Variants in PLCL2 observed in about 807,000 individuals in gnomAD.
The protein encoded by PLCL2 is phospholipase C like 2, also known as inactive phospholipase C-like protein 2.
PLCL2 carries 4 observed loss-of-function variants against 79.6 expected under a neutral mutation model. The ratio of observed to expected loss-of-function variants is 0.05; its 90% CI spans 0.02 to 0.11. PLCL2 has a LOEUF of 0.11. PLCL2 is among the 10% of genes least tolerant of loss of function. PLCL2 has a pLI of 1.00. For synonymous variants in PLCL2, 484 were observed against 457.7 expected, an observed-to-expected ratio of 1.06 and a Z score of -0.73; for missense variants, 895 against 1,291.0, an observed-to-expected ratio of 0.69 and a Z score of 4.70.
chr3:16,905,655 A>C (rs1040382292), intron 1 of PLCL2, among the ~76,000 whole-genome samples: 3 of 152,248 alleles, frequency 2.0e-5, no homozygotes, highest in African/African-American at 7.2e-5. Flanking sequence ...AGGCATGTGC[A>C]TATGTTTCTG....
At chr3:16,999,512 A>T (rs1189108102) in intron 1 of PLCL2, among the ~76,000 whole-genome samples, 1 of 152,206 alleles carries the variant, frequency 6.6e-6, no homozygotes, top group Non-Finnish European at 1.5e-5. Flanking sequence ...TTCAAATATG[A>T]ACTCATCTTA....
intron 1 of PLCL2, among the ~76,000 whole-genome samples, chr3:16,970,812 G>A (rs1385371976): frequency 1.3e-5 from 2 of 148,990 alleles, no homozygotes; most frequent in Non-Finnish European, 3.0e-5. Context: ...CTGATGGCCA[G>A]TGATGGTGAG....
In PLCL2 at chr3:17,068,062, A is replaced by G; in HGVS notation, c.3201A>G (p.Leu1067=). 6.4e-7 allele frequency: 1 copy of G among 1,551,170 alleles called. No homozygotes were observed. The highest frequency in any genetic ancestry group is 1.1e-5 in the South Asian group (1 of 89,324). ...GCTTTACCTGGAATATTACCATCTT[A>G]AAGGTATCTATAGAGTTGTTTCTGA... is the stretch of plus-strand genomic sequence containing the variant. The part of the protein sequence containing the change: ...VESFTWNITI[L]KGQADLLKYA... The change falls in exon 5 of 6, where the codon TTA becomes TTG. Residue 1067 remains leucine, a synonymous_variant. Transcript: ENST00000615277.
intron 1 of PLCL2, among the ~76,000 whole-genome samples, chr3:16,901,791 C>T (rs1317104318): frequency 6.6e-6 from 1 of 152,208 alleles, no homozygotes; most frequent in Admixed American, 6.5e-5. Context: ...CAGCTACCTC[C>T]TAAACTCTCT....
chr3:17,057,454 A>G (rs1019104765), intron 4 of PLCL2, among the ~76,000 whole-genome samples: 1 of 152,178 alleles, frequency 6.6e-6, no homozygotes, highest in Non-Finnish European at 1.5e-5. Context: ...TCCCAGAAAA[A>G]GAATGTGAAT....
At position 16,916,714 on chromosome 3, in the gene PLCL2, A is replaced by G. The variant is rs529827038; in HGVS notation, c.327+31348A>G. Among the ~76,000 whole-genome samples the G allele has an allele frequency of 3.3e-4, 51 of 152,316 alleles. 1 individual carries two copies. The South Asian group carries it at 0.011, about 32-fold the overall frequency. Reference sequence around the variant, plus strand: ...AAATAATTGATGATGAACATTTACAATTACTTTGATATCAATTACTTAAAG... The same window carrying G: ...AAATAATTGATGATGAACATTTACAGTTACTTTGATATCAATTACTTAAAG... On this transcript the variant is annotated intron_variant, in intron 1 of 5. Coordinates refer to ENST00000615277, the MANE Select transcript of PLCL2 (RefSeq NM_001144382.2).
At chr3:16,903,694 T>C (rs1294350020) in intron 1 of PLCL2, among the ~76,000 whole-genome samples, 1 of 152,172 alleles carries the variant, frequency 6.6e-6, no homozygotes, top group African/African-American at 2.4e-5. Context: ...AGTCATGTGT[T>C]ATATGGTCAA....
intron 1 of PLCL2, among the ~76,000 whole-genome samples, chr3:16,961,374 T>A (rs2063752961): frequency 6.6e-6 from 1 of 152,208 alleles, no homozygotes. Flanking sequence ...AGATAGAGCC[T>A]TCAAAGAGCT....
At position 17,009,188 on chromosome 3, in the gene PLCL2, T is replaced by C. The variant is rs1458797647; in HGVS notation, c.328-486T>C. ...TTAGTAGAGACAGGGTTTCAGCACG[T>C]TGGCCAGGCTGGTCTCAAACTTCTG... is the stretch of plus-strand genomic sequence containing the variant. On this transcript the variant is annotated intron_variant, in intron 1 of 5. Coordinates refer to ENST00000615277, the MANE Select transcript of PLCL2 (RefSeq NM_001144382.2). This position sits in a 1 kb window ranked among gnomAD's most constrained non-coding sequence, Gnocchi z 4.0. Among the ~76,000 whole-genome samples the C allele has an allele frequency of 1.3e-5, 2 of 151,896 alleles. No homozygotes were observed. Among genetic ancestry groups the C allele is most frequent in the Non-Finnish European group, 2.9e-5 (2 of 67,962 alleles).
chr3:16,999,128 A>G (rs1391209331), intron 1 of PLCL2, among the ~76,000 whole-genome samples: 1 of 152,130 alleles, frequency 6.6e-6, no homozygotes, highest in Non-Finnish European at 1.5e-5. Context: ...AATTAAATTG[A>G]TGGGCTTTAA....
At chr3:17,066,729 A>G (rs1290724635) in intron 4 of PLCL2, among the ~76,000 whole-genome samples, 1 of 152,204 alleles carries the variant, frequency 6.6e-6, no homozygotes, top group Non-Finnish European at 1.5e-5. Context: ...CTATACACTG[A>G]CATGGAGTGA....
chr3:17,011,029 G>T lies in PLCL2; in HGVS notation c.1683G>T (p.Leu561=). The T allele has an allele frequency of 6.2e-7, 1 of 1,614,024 alleles. No individual in the cohort carries two copies. Among genetic ancestry groups the T allele is most frequent in the Non-Finnish European group, 8.5e-7 (1 of 1,180,000 alleles). The change falls in exon 2 of 6, where the codon CTG becomes CTT. Residue 561 remains leucine, a synonymous_variant. Coordinates refer to ENST00000615277, the MANE Select transcript of PLCL2 (RefSeq NM_001144382.2). This position sits in a 1 kb window ranked among gnomAD's most constrained non-coding sequence, Gnocchi z 7.9. ...EESYLPSPDV[L]KGKILIKAKK... ...CTTATCTACCATCCCCAGATGTCCT[G>T]AAAGGGAAAATACTAATTAAAGCAA...
chr3:17,039,083 C>G (rs1209250757), intron 3 of PLCL2, among the ~76,000 whole-genome samples: 1 of 152,192 alleles, frequency 6.6e-6, no homozygotes. Flanking sequence ...ATAGAAAGCA[C>G]CAAGTACATA....
chr3:17,041,199 A>G (rs981394795), intron 3 of PLCL2, among the ~76,000 whole-genome samples: 4 of 152,248 alleles, frequency 2.6e-5, no homozygotes, highest in African/African-American at 9.6e-5. Context: ...GCTGTAAAAT[A>G]GAATATTTTA....
intron 1 of PLCL2, among the ~76,000 whole-genome samples, chr3:16,921,027 C>T (rs1037563272): frequency 1.3e-5 from 2 of 152,080 alleles, no homozygotes; most frequent in Non-Finnish European, 2.9e-5. Context: ...TGAAAAGGTG[C>T]TTAACATTTT....
chr3:16,915,221 G>A (rs527812891), intron 1 of PLCL2, among the ~76,000 whole-genome samples: 2 of 152,302 alleles, frequency 1.3e-5, no homozygotes, highest in South Asian at 4.1e-4. Flanking sequence ...TTCTCGCTAT[G>A]AGGTTCATGC....
intron 1 of PLCL2, among the ~76,000 whole-genome samples, chr3:16,962,780 C>A (rs1386716843): frequency 6.6e-6 from 1 of 152,118 alleles, no homozygotes; most frequent in African/African-American, 2.4e-5. Context: ...GAAAAAAATT[C>A]CTCAAAGTAT....
chr3:16,971,952 A>G (rs1412954690), intron 1 of PLCL2, among the ~76,000 whole-genome samples: 2 of 152,162 alleles, frequency 1.3e-5, no homozygotes, highest in African/African-American at 2.4e-5. Context: ...CAATAGATGC[A>G]GAAAAGGCCT....
intron 1 of PLCL2, among the ~76,000 whole-genome samples, chr3:16,952,360 CAAA>C (rs35421244): frequency 0.039 from 870 of 22,228 alleles, no homozygotes; most frequent in African/African-American, 0.074. Flanking sequence ...GAACTTAAAG[CAAA>C]AAAAAAAAAA....
Sources: gnomAD v4.1 joint callset for allele counts (sites outside exome capture counted in the v4.1 genomes callset) on GRCh38, gnomAD v4.1.1 for gene constraint, Gnocchi (gnomAD v3.1) non-coding constraint, MANE v1.5 for transcripts, NCBI Gene and HGNC (gene_info 2026-07-23, HGNC 2026-07-21) for gene names.